The following DPY19L4 variants were observed in gnomAD, a reference collection of about 807,000 sequenced individuals.
DPY19L4 encodes probable C-mannosyltransferase DPY19L4.
Under a neutral mutation model 102.8 loss-of-function variants are expected in DPY19L4, and 97 were observed. The ratio of observed to expected loss-of-function variants is 0.94; its 90% CI spans 0.80 to 1.12. DPY19L4 has a LOEUF of 1.12. Ranked by LOEUF, DPY19L4 falls within the 50% of genes most tolerant of loss-of-function variation. The probability of loss-of-function intolerance (pLI) is 0.00; values close to 1 mark genes in which losing one functional copy is unlikely to be tolerated. For synonymous variants in DPY19L4, 252 were observed against 283.1 expected (o/e 0.89, Z 1.10); for missense variants, 815 against 850.4 (o/e 0.96, Z 0.52).
intron 1 of DPY19L4, 186 bp downstream of exon 1, chr8:94,720,200 T>C (rs1810396332): frequency 1.0e-6 from 1 of 985,204 alleles, no homozygotes; most frequent in Non-Finnish European, 1.2e-6. Flanking sequence ...GCGGAGCAAA[T>C]GGCCCGAAGT....
Position 94,720,007 on chromosome 8 carries a change from GGAA to G in DPY19L4, c.14_16del (p.Glu5del), listed in dbSNP as rs1207884817. 4 of 1,532,218 alleles carry G rather than the reference GGAA, an allele frequency of 2.6e-6. No individual in the cohort carries two copies. The highest frequency in any genetic ancestry group is 1.2e-5 in the South Asian group (1 of 82,086). The allele number at this position is 1,532,218 out of a possible 1,614,324, so 94.9% of individuals were successfully genotyped here. A position where few individuals can be genotyped will look rare whatever the true frequency, so the allele number is the denominator to read the frequency against. ...TAGCCTTCGCAGAAACGATGGCGGAGGAAGAAGGTGATTGCCGCGGGGTCCAGC... is the reference window on the plus strand; with the variant it reads ...TAGCCTTCGCAGAAACGATGGCGGAGGAAGGTGATTGCCGCGGGGTCCAGC... On this transcript the variant is annotated inframe_deletion, in exon 1 of 19. Transcript: ENST00000414645.
intron 2 of DPY19L4, among the ~76,000 whole-genome samples, chr8:94,730,283 A>C (rs189932040): frequency 6.6e-6 from 1 of 152,186 alleles, no homozygotes; most frequent in Non-Finnish European, 1.5e-5. Flanking sequence ...GTTTGTGACT[A>C]ACAACTTAAA....
intron 6 of DPY19L4, chr8:94,744,553 T>C (rs755158590): frequency 7.2e-5 from 33 of 456,354 alleles, no homozygotes; most frequent in East Asian, 1.4e-4. Context: ...GCAGGAATCA[T>C]TGGGACCGTC....
In DPY19L4 at chr8:94,739,468, A is replaced by G. The variant is rs1422147070; in HGVS notation, c.399A>G (p.Ala133=). The G allele has an allele frequency of 6.2e-7, 1 of 1,608,800 alleles. No individual in the cohort carries two copies. Among genetic ancestry groups the G allele is most frequent in the South Asian group, 1.1e-5 (1 of 89,368 alleles). The change falls in exon 5 of 19, where the codon GCA becomes GCG. Residue 133 remains alanine, a synonymous_variant. Transcript: ENST00000414645. ...CTGTATCTCTGAAGACTATAAATGCAGTGCAGCAAATGTCTCTGTATCCGG... is the reference window on the plus strand; with the variant it reads ...CTGTATCTCTGAAGACTATAAATGCGGTGCAGCAAATGTCTCTGTATCCGG... ...NKTVSLKTIN[A]VQQMSLYPEL... is the part of the protein sequence containing the mutation.
At chr8:94,729,953 C>T (rs1810871821) in intron 2 of DPY19L4, among the ~76,000 whole-genome samples, 1 of 151,860 alleles carries the variant, frequency 6.6e-6, no homozygotes, top group South Asian at 2.1e-4. Flanking sequence ...AATATATTTT[C>T]AGGGTAGAAA....
At chr8:94,789,622 G>A (rs2130953696) in intron 18 of DPY19L4, 124 bp from the exon 19 acceptor site, 1 of 869,138 alleles carries the variant, frequency 1.2e-6, no homozygotes, top group East Asian at 3.0e-5. Context: ...ACAGTGAGAT[G>A]TTTTATAGAC....
At position 94,789,803 on chromosome 8, in the gene DPY19L4, G is replaced by A; in HGVS notation, c.2065G>A (p.Glu689Lys). Residue 689 changes from glutamate to lysine, a missense_variant, in exon 19 of 19, where the codon GAG becomes AAG. Physicochemically the swap from Glu to Lys is moderately conservative, Grantham distance 56. Coordinates refer to ENST00000414645, the MANE Select transcript of DPY19L4 (RefSeq NM_181787.3). ...CTCAAAATATGGGCGATTTTGTCAT[G>A]AGGTCAAAATTAACTATTCTCCATA... is the stretch of plus-strand genomic sequence containing the variant. ...TYSKYGRFCHEVKINYSPYVN... is the reference protein window; with the variant it reads ...TYSKYGRFCHKVKINYSPYVN... 6.2e-7 allele frequency: 1 copy of A among 1,611,886 alleles called. No individual in the cohort carries two copies. Among genetic ancestry groups the A allele is most frequent in the South Asian group, 1.1e-5 (1 of 90,542 alleles).
intron 8 of DPY19L4, among the ~76,000 whole-genome samples, chr8:94,763,620 A>G (rs1001562135): frequency 6.6e-6 from 1 of 151,436 alleles, no homozygotes; most frequent in African/African-American, 2.4e-5. Flanking sequence ...TCCCAGGTTC[A>G]AGTGATTATC....
rs1380185277 is a variant in DPY19L4, at chr8:94,790,234, T to C, written c.*324T>C. On this transcript the variant is annotated 3_prime_UTR_variant, in exon 19 of 19. Coordinates refer to ENST00000414645, the MANE Select transcript of DPY19L4 (RefSeq NM_181787.3). ...TTATAATATTGATCTTGAATTTGAA[T>C]ATGTGCAAGGTCAGATACATTTCTC... The C allele has an allele frequency of 2.9e-5, 5 of 170,564 alleles. No individual in the cohort carries two copies. The highest frequency in any genetic ancestry group is 1.2e-5 in the Non-Finnish European group (1 of 80,688). The allele number at this position is 170,564 out of a possible 1,614,324, so 10.6% of individuals were successfully genotyped here.
chr8:94,756,588 T>C (rs1034378178), intron 7 of DPY19L4, among the ~76,000 whole-genome samples: 1 of 152,178 alleles, frequency 6.6e-6, no homozygotes, highest in African/African-American at 2.4e-5. Context: ...TCTTCTCATG[T>C]TTTCTGTGAC....
chr8:94,733,793 C>A (rs1375939522), intron 2 of DPY19L4, among the ~76,000 whole-genome samples: 1 of 152,094 alleles, frequency 6.6e-6, no homozygotes, highest in African/African-American at 2.4e-5. Flanking sequence ...CCACCCACCT[C>A]GGCCTCCCAA....
chr8:94,776,963 CAAA>C (rs60781801), intron 13 of DPY19L4, among the ~76,000 whole-genome samples: 1 of 94,496 alleles, frequency 1.1e-5, no homozygotes, highest in Non-Finnish European at 2.4e-5. Flanking sequence ...GACTCCGCTT[CAAA>C]AAAAAAAAAA....
intron 14 of DPY19L4, 90 bp downstream of exon 14, chr8:94,777,876 A>G (rs1276935364): frequency 2.9e-6 from 4 of 1,400,634 alleles, no homozygotes; most frequent in African/African-American, 2.9e-5. Flanking sequence ...TTGAAATAGC[A>G]TGAGTAAATT....
At chr8:94,742,191 T>C (rs1336585025) in intron 6 of DPY19L4, among the ~76,000 whole-genome samples, 1 of 152,034 alleles carries the variant, frequency 6.6e-6, no homozygotes, top group Admixed American at 6.6e-5. Context: ...ACGCCATCTC[T>C]ACTAAAAATA....
chr8:94,744,480 G>A (rs1001926711), intron 6 of DPY19L4: 8 of 456,576 alleles, frequency 1.8e-5, no homozygotes, highest in African/African-American at 1.4e-4. Flanking sequence ...GCCATATTTT[G>A]TCAGTTGCAC....
rs1813250180 is a variant in DPY19L4, at chr8:94,777,733, T to C, written c.1522T>C (p.Trp508Arg). The C allele has an allele frequency of 6.2e-7, 1 of 1,614,028 alleles. No homozygotes were observed. The highest frequency in any genetic ancestry group is 8.5e-7 in the Non-Finnish European group (1 of 1,180,016). The change falls in exon 14 of 19, where the codon TGG becomes CGG. Residue 508 changes from tryptophan to arginine, a missense_variant. By Grantham distance (101) the Trp-to-Arg change is moderately radical. Transcript: ENST00000414645. ...AAFGVCSPEL[W>R]MTLFKWLRLR... is the part of the protein sequence containing the mutation. ...ATTTGGTGTATGTTCTCCCGAACTT[T>C]GGATGACACTTTTCAAGTGGCTTCG...
intron 13 of DPY19L4, among the ~76,000 whole-genome samples, chr8:94,771,233 G>C (rs1334053791): frequency 2.0e-4 from 31 of 152,030 alleles, no homozygotes; most frequent in Non-Finnish European, 2.1e-4. Flanking sequence ...CTTTTTTAAT[G>C]GTAATAAGTA....
Position 94,793,652 on chromosome 8 carries a change from G to A in DPY19L4, c.*3742G>A. ...GAATTATAGCTACAAAAAGTTGCAAGTAAAATTTAGCAATTTCCTATTCAA... is the reference window on the plus strand; with the variant it reads ...GAATTATAGCTACAAAAAGTTGCAAATAAAATTTAGCAATTTCCTATTCAA... On this transcript the variant is annotated 3_prime_UTR_variant, in exon 19 of 19. Coordinates refer to ENST00000414645, the MANE Select transcript of DPY19L4 (RefSeq NM_181787.3). 1 of 152,036 alleles carries A rather than the reference G, an allele frequency of 6.6e-6. No homozygotes were observed. The highest frequency in any genetic ancestry group is 1.9e-4 in the East Asian group (1 of 5,204). The allele number at this position is 152,036 out of a possible 1,614,324, so 9.4% of individuals were successfully genotyped here. A position where few individuals can be genotyped will look rare whatever the true frequency, so the allele number is the denominator to read the frequency against.
At chr8:94,722,388 CAG>C (rs1373385707) in intron 1 of DPY19L4, among the ~76,000 whole-genome samples, 1 of 152,110 alleles carries the variant, frequency 6.6e-6, no homozygotes, top group African/African-American at 2.4e-5. Flanking sequence ...GCCTGGGTGA[CAG>C]AGTGAGACTC....
Sources: allele counts gnomAD v4.1 joint callset (sites outside exome capture counted in the v4.1 genomes callset), GRCh38; gene constraint gnomAD v4.1.1; transcripts MANE v1.5; gene names NCBI Gene and HGNC (gene_info 2026-07-23, HGNC 2026-07-21).